NWD2: variants seen among roughly 807,000 people sequenced by gnomAD.
NWD2 encodes the protein NACHT and WD repeat domain containing 2, also known as NACHT and WD repeat domain-containing protein 2.
A neutral mutation model predicts 132.7 loss-of-function variants in NWD2; 37 were observed. The ratio of observed to expected loss-of-function variants is 0.28; its 90% CI spans 0.21 to 0.37. NWD2 has a LOEUF of 0.37. NWD2 is among the 10% of genes least tolerant of loss of function. The pLI is 1.00. For synonymous variants in NWD2, 705 were observed against 803.0 expected (o/e 0.88, Z 2.06); for missense variants, 1,592 against 2,122.4 (o/e 0.75, Z 4.91).
intron 3 of NWD2, among the ~76,000 whole-genome samples, chr4:37,394,363 C>T (rs1368316408): frequency 6.6e-6 from 1 of 152,150 alleles, no homozygotes; most frequent in African/African-American, 2.4e-5. Flanking sequence ...CAGGATGGCT[C>T]AGAGCAGATG....
chr4:37,269,264 G>A (rs1717820195), intron 1 of NWD2, among the ~76,000 whole-genome samples: 1 of 151,884 alleles, frequency 6.6e-6, no homozygotes, highest in South Asian at 2.1e-4. Flanking sequence ...ACATCCAGAT[G>A]CTTGTCTCCT....
intron 1 of NWD2, among the ~76,000 whole-genome samples, chr4:37,290,426 G>A (rs1260813446): frequency 6.6e-6 from 1 of 152,094 alleles, no homozygotes; most frequent in African/African-American, 2.4e-5. Context: ...TAGAGGTGAG[G>A]GCAATCCTTA....
intron 2 of NWD2, among the ~76,000 whole-genome samples, chr4:37,351,227 A>G (rs571871523): frequency 2.1e-4 from 32 of 152,056 alleles, no homozygotes; most frequent in African/African-American, 6.0e-4. Context: ...CTCTTTTTCT[A>G]TTGTTGGAAT....
At chr4:37,405,723 T>C (rs990222150) in intron 3 of NWD2, among the ~76,000 whole-genome samples, 20 of 152,094 alleles carry the variant, frequency 1.3e-4, no homozygotes, top group African/African-American at 4.6e-4. Context: ...GATTAAAGAG[T>C]GAGGTCTAAG....
intron 1 of NWD2, among the ~76,000 whole-genome samples, chr4:37,307,021 C>CAAAA (rs749143872): frequency 9.6e-6 from 1 of 104,302 alleles, no homozygotes; most frequent in Non-Finnish European, 2.1e-5. Context: ...GAGACTCCAT[C>CAAAA]AAAAAAAAAA....
intron 1 of NWD2, among the ~76,000 whole-genome samples, chr4:37,275,025 A>G (rs944621740): frequency 1.3e-5 from 2 of 152,220 alleles, no homozygotes; most frequent in Non-Finnish European, 2.9e-5. Flanking sequence ...GGCACAAGAC[A>G]GGGATGCCCT....
chr4:37,390,869 A>G (rs1720667936), intron 3 of NWD2, among the ~76,000 whole-genome samples: 1 of 152,218 alleles, frequency 6.6e-6, no homozygotes, highest in African/African-American at 2.4e-5. Flanking sequence ...TTAGAAAGGG[A>G]AAGGGAGACA....
intron 1 of NWD2, among the ~76,000 whole-genome samples, chr4:37,315,099 A>T (rs532953390): frequency 6.6e-6 from 1 of 152,234 alleles, no homozygotes; most frequent in Non-Finnish European, 1.5e-5. Context: ...AAGCTTCCCA[A>T]AATGCAGGTT....
intron 6 of NWD2, among the ~76,000 whole-genome samples, chr4:37,440,638 C>G (rs1552017): frequency 0.8 from 121,266 of 152,124 alleles, 48,425 homozygotes; most frequent in Middle Eastern, 0.9. Flanking sequence ...TGATCCCCAC[C>G]ATTTTTCCCT....
Position 37,433,945 on chromosome 4 carries a change from T to A in NWD2, c.631T>A (p.Phe211Ile). ...QEISDEIKKI[F>I]KAAVKLLHEK... ...GATATCAGATGAGATCAAGAAGATA[T>A]TTAAGGCTGCTGTAAAGCTGTTACA... The change falls in exon 5 of 7, where the codon TTT becomes ATT. Residue 211 changes from phenylalanine to isoleucine, a missense_variant. Coordinates refer to ENST00000309447, the MANE Select transcript of NWD2 (RefSeq NM_001144990.2). The A allele has an allele frequency of 6.4e-7, 1 of 1,550,674 alleles. No individual in the cohort carries two copies. The highest frequency in any genetic ancestry group is 8.7e-7 in the Non-Finnish European group (1 of 1,146,240).
intron 3 of NWD2, among the ~76,000 whole-genome samples, chr4:37,412,156 A>G (rs1490930141): frequency 1.3e-5 from 2 of 152,216 alleles, no homozygotes; most frequent in African/African-American, 2.4e-5. Context: ...AAGAGAAAGA[A>G]ATAAAGGGAA....
intron 2 of NWD2, among the ~76,000 whole-genome samples, chr4:37,334,574 A>G (rs957675259): frequency 1.3e-5 from 2 of 152,042 alleles, no homozygotes; most frequent in African/African-American, 2.4e-5. Flanking sequence ...TTTCTAAATA[A>G]TCTCCCCCTC....
chr4:37,370,873 A>G (rs1720212241), intron 3 of NWD2, among the ~76,000 whole-genome samples: 1 of 152,050 alleles, frequency 6.6e-6, no homozygotes. Flanking sequence ...CCTACAGACT[A>G]AATTTGGTTG....
chr4:37,434,775 C>CT lies in NWD2; in HGVS notation c.706+766dup, dbSNP rs537585330. ...GCAGGAAAAATAAAAGATAGCTTTA[C>CT]TTTTTTTTTTTCTTTTTTTTTTTTA... On this transcript the variant is annotated intron_variant, in intron 5 of 6. Transcript: ENST00000309447. Among the ~76,000 whole-genome samples, 17 of 129,586 alleles carry CT rather than the reference C, an allele frequency of 1.3e-4. No homozygotes were observed. In the South Asian group the frequency reaches 2.1e-3, roughly 16 times the overall value. 85.0% of individuals were successfully genotyped at this position (129,586 alleles called of 152,430 possible). A position where few individuals can be genotyped will look rare whatever the true frequency, so the allele number is the denominator to read the frequency against.
chr4:37,332,012 C>T (rs1231202024), intron 2 of NWD2, among the ~76,000 whole-genome samples: 2 of 152,180 alleles, frequency 1.3e-5, no homozygotes, highest in Non-Finnish European at 2.9e-5. Context: ...AAGGGAATCG[C>T]CCCTTCCAGT....
At chr4:37,286,803 T>G (rs1051841995) in intron 1 of NWD2, among the ~76,000 whole-genome samples, 34 of 152,026 alleles carry the variant, frequency 2.2e-4, no homozygotes, top group African/African-American at 8.2e-4. Context: ...TGAATATGAA[T>G]TTTTACTGCT....
chr4:37,393,254 G>A (rs946268336), intron 3 of NWD2, among the ~76,000 whole-genome samples: 7 of 152,118 alleles, frequency 4.6e-5, no homozygotes, highest in African/African-American at 1.4e-4. Context: ...AGAGAAAACT[G>A]TCTTTCATGC....
chr4:37,312,485 C>G (rs147627300), intron 1 of NWD2, among the ~76,000 whole-genome samples: 7,517 of 150,922 alleles, frequency 0.05, 934 homozygotes, highest in African/African-American at 0.16. Context: ...ATTTTGTATC[C>G]TGAGACTTTG....
chr4:37,313,621 G>A (rs56071517), intron 1 of NWD2, among the ~76,000 whole-genome samples: 35,347 of 150,642 alleles, frequency 0.23, 5,117 homozygotes, highest in Middle Eastern at 0.4. Context: ...TTAGCTGTAG[G>A]GATTTTTGAA....
Sources: allele counts gnomAD v4.1 joint callset (sites outside exome capture counted in the v4.1 genomes callset), GRCh38; gene constraint gnomAD v4.1.1; transcripts MANE v1.5; gene names NCBI Gene and HGNC (gene_info 2026-07-23, HGNC 2026-07-21).